DIS3L2: variants seen among roughly 807,000 people sequenced by gnomAD.
DIS3L2 encodes DIS3 like 3'-5' exoribonuclease 2, also known as DIS3-like exonuclease 2.
Under a neutral mutation model 97.5 loss-of-function variants are expected in DIS3L2, and 34 were observed. That is an observed-to-expected ratio of 0.35 (90% CI 0.27 to 0.46). The LOEUF is 0.46. DIS3L2 is among the 20% of genes least tolerant of loss of function. The probability of loss-of-function intolerance (pLI) is 1.00; values close to 1 mark genes in which losing one functional copy is unlikely to be tolerated. For missense variants in DIS3L2, 1,038 were observed against 1,146.0 expected, an observed-to-expected ratio of 0.91 and a Z score of 1.36; for synonymous variants, 435 against 445.2, an observed-to-expected ratio of 0.98 and a Z score of 0.29.
At chr2:232,226,072 T>A (rs1574957535) in intron 10 of DIS3L2, among the ~76,000 whole-genome samples, 1 of 152,168 alleles carries the variant, frequency 6.6e-6, no homozygotes, top group African/African-American at 2.4e-5. Context: ...CTTTCTGGGG[T>A]GATGAAAATG....
chr2:232,160,693 G>A (rs1425071480), intron 8 of DIS3L2, among the ~76,000 whole-genome samples: 3 of 151,838 alleles, frequency 2.0e-5, no homozygotes, highest in East Asian at 1.9e-4. Context: ...CCTGGGCGAC[G>A]TGGCAAAACC....
intron 3 of DIS3L2, among the ~76,000 whole-genome samples, chr2:232,021,576 A>T (rs185258522): frequency 6.6e-6 from 1 of 152,194 alleles, no homozygotes; most frequent in East Asian, 1.9e-4. Context: ...TTGGTCTTCA[A>T]CATGGATGTG....
intron 5 of DIS3L2, among the ~76,000 whole-genome samples, chr2:232,053,653 G>A (rs72989623): frequency 0.015 from 2,230 of 152,312 alleles, 23 homozygotes; most frequent in Non-Finnish European, 0.021. Flanking sequence ...ACTCAGGGAA[G>A]CATTGACTTA....
chr2:232,219,901 T>A (rs935568234), intron 10 of DIS3L2, among the ~76,000 whole-genome samples: 13 of 152,162 alleles, frequency 8.5e-5, no homozygotes, highest in African/African-American at 3.1e-4. Context: ...AAACAAAATT[T>A]GTGATCTAAA....
chr2:232,343,748 TGCTATACCCTCTTCA>T (rs1199582530), exon 14 of DIS3L2: 1 of 669,222 alleles, frequency 1.5e-6, no homozygotes, highest in Non-Finnish European at 2.6e-6. Context: ...ATTCAGAAAC[TGCTATACCCTCTTCA>T]GCCTTGCAGA....
At chr2:232,030,862 T>C (rs1332531454) in intron 5 of DIS3L2, among the ~76,000 whole-genome samples, 3 of 152,136 alleles carry the variant, frequency 2.0e-5, no homozygotes, top group African/African-American at 7.2e-5. Flanking sequence ...GTGTTATAGA[T>C]GTATCTAAGT....
chr2:232,343,634 G>A, exon 14 of DIS3L2: 1 of 1,529,106 alleles, frequency 6.5e-7, no homozygotes, highest in Non-Finnish European at 8.9e-7. Flanking sequence ...AAAGTAAACA[G>A]GTAAAGGCTG....
Position 231,969,208 on chromosome 2 carries a change from A to G in DIS3L2, c.-94+7443A>G, listed in dbSNP as rs556434834. 3.3e-5 allele frequency among the ~76,000 whole-genome samples: 5 copies of G among 151,484 alleles called. No individual in the cohort carries two copies. The South Asian group carries it at 1.0e-3, about 32-fold the overall frequency. ...TTAAAATTATATTTTTAAAATTTAT[A>G]TTTCTGATTGACACTAGTATATAGA... On this transcript the variant is annotated intron_variant, in intron 1 of 20. Coordinates refer to ENST00000325385, the MANE Select transcript of DIS3L2 (RefSeq NM_152383.5).
chr2:232,235,656 G>A (rs1024929221), intron 10 of DIS3L2, among the ~76,000 whole-genome samples: 1 of 152,076 alleles, frequency 6.6e-6, no homozygotes, highest in Non-Finnish European at 1.5e-5. Flanking sequence ...TAAAATTATG[G>A]TTTATATCAT....
At chr2:232,073,089 A>G (rs576432409) in intron 5 of DIS3L2, among the ~76,000 whole-genome samples, 52 of 152,270 alleles carry the variant, frequency 3.4e-4, no homozygotes, top group Admixed American at 6.5e-4. Context: ...TGAAAAGCTT[A>G]TTGGCAAGCC....
intron 14 of DIS3L2, among the ~76,000 whole-genome samples, chr2:232,301,082 A>G (rs1030456386): frequency 2.6e-5 from 4 of 152,162 alleles, no homozygotes; most frequent in Admixed American, 1.3e-4. Context: ...AGCACCTCCT[A>G]TGTGTTAGGC....
chr2:232,213,811 A>G lies in DIS3L2; in HGVS notation c.1204+3406A>G, dbSNP rs75910717. On this transcript the variant is annotated intron_variant, in intron 10 of 20. Transcript: ENST00000325385. ...TTTGGTAGAGTTCAGATGTACTCCC[A>G]GGACTTGTTACCAGTGTCTGTCAGG... Among the ~76,000 whole-genome samples the G allele has an allele frequency of 7.4e-3, 1,126 of 152,140 alleles. 10 individuals are homozygous for G. The highest frequency in any genetic ancestry group is 0.011 in the Non-Finnish European group (769 of 68,000).
chr2:232,192,304 T>G (rs947825478), intron 9 of DIS3L2, among the ~76,000 whole-genome samples: 3 of 152,186 alleles, frequency 2.0e-5, no homozygotes, highest in African/African-American at 7.2e-5. Context: ...AGTAGTAATC[T>G]CTTGCCTGAG....
chr2:232,063,189 A>G (rs1451737082), intron 5 of DIS3L2, among the ~76,000 whole-genome samples: 3 of 152,050 alleles, frequency 2.0e-5, no homozygotes, highest in African/African-American at 7.2e-5. Flanking sequence ...ATTTTTGAAC[A>G]TGGTTCCTTT....
At chr2:232,279,527 TTTGTTTGTTTG>T (rs1694228859) in intron 13 of DIS3L2, among the ~76,000 whole-genome samples, 1 of 151,780 alleles carries the variant, frequency 6.6e-6, no homozygotes, top group Non-Finnish European at 1.5e-5. Flanking sequence ...TGTTTGTTTG[TTTGTTTGTTTG>T]TTTGTTTTTT....
intron 14 of DIS3L2, among the ~76,000 whole-genome samples, chr2:232,313,472 G>C (rs1695189061): frequency 6.6e-6 from 1 of 152,268 alleles, no homozygotes; most frequent in African/African-American, 2.4e-5. Context: ...TTTGAACAAG[G>C]ATTCAAACAG....
At position 232,269,083 on chromosome 2, in the gene DIS3L2, C is replaced by G. The variant is rs1455660368; in HGVS notation, c.1659+5643C>G. 1.3e-5 allele frequency among the ~76,000 whole-genome samples: 2 copies of G among 152,218 alleles called. No homozygotes were observed. The highest frequency in any genetic ancestry group is 4.8e-5 in the African/African-American group (2 of 41,450). On this transcript the variant is annotated intron_variant, in intron 13 of 20. Transcript: ENST00000325385. The surrounding 1 kb of genome is among the most constrained non-coding windows in gnomAD (Gnocchi z 4.5). ...CAGCTCTTCACAGTCAGGTCTTCAT[C>G]CCACCCAAGCCCACTTGCAGAGATG...
intron 8 of DIS3L2, among the ~76,000 whole-genome samples, chr2:232,157,749 G>A (rs1041257775): frequency 1.2e-4 from 18 of 152,138 alleles, no homozygotes; most frequent in African/African-American, 4.1e-4. Flanking sequence ...TGCTGCTGCT[G>A]GCAAGCTAGC....
intron 14 of DIS3L2, among the ~76,000 whole-genome samples, chr2:232,327,891 T>C (rs1466429697): frequency 6.6e-6 from 1 of 152,212 alleles, no homozygotes; most frequent in Non-Finnish European, 1.5e-5. Flanking sequence ...TCTGCGTCCA[T>C]GACAGCCCTG....
Sources: allele counts gnomAD v4.1 joint callset (sites outside exome capture counted in the v4.1 genomes callset), GRCh38; gene constraint gnomAD v4.1.1; non-coding constraint Gnocchi (gnomAD v3.1); transcripts MANE v1.5; gene names NCBI Gene and HGNC (gene_info 2026-07-23, HGNC 2026-07-21).